DENND1A: variants seen among roughly 807,000 people sequenced by gnomAD.
DENND1A encodes the protein DENN domain containing 1A, also known as DENN domain-containing protein 1A.
DENND1A carries 51 observed loss-of-function variants against 113.7 expected under a neutral mutation model. The observed-to-expected ratio is 0.45, with a 90% confidence interval of 0.36 to 0.57. The LOEUF is 0.57. Among genes scored for constraint, DENND1A ranks in the 20% least tolerant of loss-of-function variants. The probability of loss-of-function intolerance (pLI) is 0.00; values close to 1 mark genes in which losing one functional copy is unlikely to be tolerated. For synonymous variants in DENND1A, 565 were observed against 570.8 expected, an observed-to-expected ratio of 0.99 and a Z score of 0.14; for missense variants, 1,258 against 1,395.9, an observed-to-expected ratio of 0.90 and a Z score of 1.57.
intron 12 of DENND1A, among the ~76,000 whole-genome samples, chr9:123,565,161 T>C (rs575491456): frequency 1.2e-4 from 18 of 152,158 alleles, no homozygotes; most frequent in Non-Finnish European, 2.4e-4. Context: ...CCAGCTAATT[T>C]TTGTATTTTT....
intron 13 of DENND1A, among the ~76,000 whole-genome samples, chr9:123,526,154 C>A (rs999555745): frequency 7.2e-6 from 1 of 138,882 alleles, no homozygotes; most frequent in Non-Finnish European, 1.6e-5. Flanking sequence ...CACACACATG[C>A]ACACACCTGC....
At chr9:123,847,499 A>G (rs4836945) in intron 2 of DENND1A, among the ~76,000 whole-genome samples, 113,276 of 152,104 alleles carry the variant, frequency 0.74, 46,252 homozygotes, top group East Asian at 0.93. Flanking sequence ...AGAAGACAAC[A>G]AAATGACATC....
At chr9:123,662,060 T>C (rs999628530) in intron 8 of DENND1A, among the ~76,000 whole-genome samples, 2 of 152,106 alleles carry the variant, frequency 1.3e-5, no homozygotes, top group Non-Finnish European at 2.9e-5. Flanking sequence ...GCACAATAGA[T>C]GAAAACAGGC....
At chr9:123,676,849 G>T in intron 5 of DENND1A, 60 bp from the exon 6 acceptor site, 1 of 1,498,308 alleles carries the variant, frequency 6.7e-7, no homozygotes, top group South Asian at 1.1e-5. Flanking sequence ...CTTTAACCAG[G>T]ATCTAATTCA....
intron 2 of DENND1A, among the ~76,000 whole-genome samples, chr9:123,841,671 T>A (rs975233475): frequency 1.3e-5 from 2 of 152,152 alleles, no homozygotes; most frequent in African/African-American, 2.4e-5. Context: ...TAAGGATGAT[T>A]TAATGTCTGA....
chr9:123,888,155 G>A (rs1306627777), intron 1 of DENND1A, among the ~76,000 whole-genome samples: 3 of 152,226 alleles, frequency 2.0e-5, no homozygotes, highest in Admixed American at 6.5e-5. Flanking sequence ...GACAGGGAAC[G>A]TGCTAGATGA....
In DENND1A at chr9:123,723,290, A is replaced by G. The variant is rs543336650; in HGVS notation, c.302+34413T>C. On this transcript the variant is annotated intron_variant, in intron 5 of 23. Transcript: ENST00000394215. ...CCAGGAAGTAACTAACTTGCTTTTGATTTTACAGGTTCATAGGCAGAAGGG... is the reference window on the plus strand; with the variant it reads ...CCAGGAAGTAACTAACTTGCTTTTGGTTTTACAGGTTCATAGGCAGAAGGG... 2.6e-5 allele frequency among the ~76,000 whole-genome samples: 4 copies of G among 152,278 alleles called. No homozygotes were observed. The East Asian group carries it at 5.8e-4, about 22-fold the overall frequency.
At chr9:123,701,600 G>A (rs376265024) in intron 5 of DENND1A, among the ~76,000 whole-genome samples, 1 of 152,148 alleles carries the variant, frequency 6.6e-6, no homozygotes, top group African/African-American at 2.4e-5. Context: ...ACACAGATTT[G>A]AGTTCTGGCC....
intron 13 of DENND1A, among the ~76,000 whole-genome samples, chr9:123,509,966 G>A (rs547116620): frequency 3.9e-5 from 6 of 152,282 alleles, no homozygotes; most frequent in East Asian, 1.9e-4. Context: ...GTAAGGTGTC[G>A]ACAAGACATC....
At chr9:123,491,718 C>A (rs2051391022) in intron 13 of DENND1A, among the ~76,000 whole-genome samples, 1 of 152,206 alleles carries the variant, frequency 6.6e-6, no homozygotes, top group Non-Finnish European at 1.5e-5. Context: ...CCATCCAGGA[C>A]CCTGGGAGCC....
chr9:123,631,361 G>A (rs1250821739), intron 9 of DENND1A, among the ~76,000 whole-genome samples: 1 of 152,028 alleles, frequency 6.6e-6, no homozygotes, highest in Admixed American at 6.6e-5. Context: ...ATAGACAAAT[G>A]GTCTATTCAT....
chr9:123,424,981 C>T (rs752096672), intron 19 of DENND1A, among the ~76,000 whole-genome samples: 2 of 152,218 alleles, frequency 1.3e-5, no homozygotes, highest in Non-Finnish European at 2.9e-5. Context: ...GCAGGCACTA[C>T]CTGGCTCTGC....
chr9:123,421,624 G>A (rs1380098573), intron 19 of DENND1A, among the ~76,000 whole-genome samples: 3 of 152,188 alleles, frequency 2.0e-5, no homozygotes, highest in Non-Finnish European at 2.9e-5. Context: ...TTAAGGACCA[G>A]GGCCAGCTCA....
intron 9 of DENND1A, among the ~76,000 whole-genome samples, chr9:123,645,492 T>C (rs2062269103): frequency 6.6e-6 from 1 of 152,112 alleles, no homozygotes; most frequent in African/African-American, 2.4e-5. Flanking sequence ...ATTGGGAAAC[T>C]TTCAAATTCT....
At chr9:123,560,689 C>CAAAA (rs202038661) in intron 12 of DENND1A, among the ~76,000 whole-genome samples, 7 of 110,742 alleles carry the variant, frequency 6.3e-5, no homozygotes, top group African/African-American at 2.3e-4. Flanking sequence ...GACCCTGTCT[C>CAAAA]AAAAAAAAAA....
intron 5 of DENND1A, among the ~76,000 whole-genome samples, chr9:123,689,463 C>T (rs915050312): frequency 5.9e-5 from 9 of 152,014 alleles, no homozygotes; most frequent in South Asian, 2.1e-4. Flanking sequence ...ATGTTTTTAC[C>T]GGCCTTAAAT....
chr9:123,635,383 C>T (rs2061654128), intron 9 of DENND1A, among the ~76,000 whole-genome samples: 1 of 152,182 alleles, frequency 6.6e-6, no homozygotes, highest in Non-Finnish European at 1.5e-5. Flanking sequence ...AAGGCCACAT[C>T]GACAGTAAGT....
intron 12 of DENND1A, among the ~76,000 whole-genome samples, chr9:123,582,441 C>T (rs1174087532): frequency 6.6e-6 from 1 of 151,968 alleles, no homozygotes; most frequent in African/African-American, 2.4e-5. Flanking sequence ...GCTCTGTCGC[C>T]CAGACTGGAG....
chr9:123,735,381 T>C (rs1176798368), intron 5 of DENND1A, among the ~76,000 whole-genome samples: 4 of 152,098 alleles, frequency 2.6e-5, no homozygotes, highest in Admixed American at 1.3e-4. Context: ...AGTTGCAAGA[T>C]GTTAGGTAAG....
Sources: allele counts gnomAD v4.1 joint callset (sites outside exome capture counted in the v4.1 genomes callset), GRCh38; gene constraint gnomAD v4.1.1; transcripts MANE v1.5; gene names NCBI Gene and HGNC (gene_info 2026-07-23, HGNC 2026-07-21).